PKP4: variants seen among roughly 807,000 people sequenced by gnomAD.
PKP4 encodes plakophilin 4.
A neutral mutation model predicts 145.1 loss-of-function variants in PKP4; 90 were observed. The observed-to-expected ratio is 0.62, with a 90% confidence interval of 0.52 to 0.74. The LOEUF is 0.74. Among genes scored for constraint, PKP4 ranks in the 30% least tolerant of loss-of-function variants. The pLI, the probability that PKP4 is intolerant of heterozygous loss-of-function variation, is 0.00. For synonymous variants in PKP4, 563 were observed against 577.2 expected (o/e 0.98, Z 0.35); for missense variants, 1,340 against 1,482.7 (o/e 0.90, Z 1.58).
At chr2:158,494,136 A>G (rs924572908) in intron 1 of PKP4, among the ~76,000 whole-genome samples, 6 of 152,216 alleles carry the variant, frequency 3.9e-5, no homozygotes, top group Non-Finnish European at 5.9e-5. Context: ...TGTACTTAGC[A>G]TACTGCTTAT....
chr2:158,596,496 C>G, intron 3 of PKP4, among the ~76,000 whole-genome samples: 1 of 152,062 alleles, frequency 6.6e-6, no homozygotes, highest in Middle Eastern at 3.4e-3. Flanking sequence ...TAATATACAC[C>G]TGATTCATGT....
intron 3 of PKP4, among the ~76,000 whole-genome samples, chr2:158,593,221 A>G (rs764675032): frequency 1.2e-4 from 19 of 152,164 alleles, no homozygotes; most frequent in Non-Finnish European, 1.8e-4. Flanking sequence ...TTCAAGGCCA[A>G]ATCTTTGCCC....
In PKP4 at chr2:158,678,702, C is replaced by T. The variant is rs770071141; in HGVS notation, c.3330+48C>T. 9.4e-6 allele frequency: 11 copies of T among 1,165,674 alleles called. No homozygotes were observed. In the East Asian group the frequency reaches 2.1e-4, roughly 22 times the overall value. The allele number at this position is 1,165,674 out of a possible 1,614,324, so 72.2% of individuals were successfully genotyped here. On this transcript the variant is annotated intron_variant, in intron 21 of 21. Transcript: ENST00000389759. ...ACAGAAGGCTGATTAGCAGTTAACA[C>T]AGTAAGGGGTCCACGTCGATTGACT...
chr2:158,492,701 A>C (rs1326697099), intron 1 of PKP4, among the ~76,000 whole-genome samples: 1 of 151,908 alleles, frequency 6.6e-6, no homozygotes, highest in Admixed American at 6.6e-5. Context: ...TGTCTTTCTG[A>C]CTCTTACTAC....
intron 1 of PKP4, among the ~76,000 whole-genome samples, chr2:158,491,946 G>C (rs529395900): frequency 6.6e-6 from 1 of 151,994 alleles, no homozygotes; most frequent in African/African-American, 2.4e-5. Flanking sequence ...AGTAGATGGA[G>C]CACAGGTGCG....
At chr2:158,477,008 C>G (rs1379111475) in intron 1 of PKP4, among the ~76,000 whole-genome samples, 1 of 152,038 alleles carries the variant, frequency 6.6e-6, no homozygotes, top group Non-Finnish European at 1.5e-5. Flanking sequence ...TCTGTGAACA[C>G]CTGTATAATA....
intron 3 of PKP4, among the ~76,000 whole-genome samples, chr2:158,578,760 A>G (rs1305849489): frequency 6.6e-6 from 1 of 152,232 alleles, no homozygotes; most frequent in Non-Finnish European, 1.5e-5. Flanking sequence ...TTAAAATAGA[A>G]ATTCTCTTGA....
At chr2:158,664,455 C>A (rs954567147) in intron 15 of PKP4, among the ~76,000 whole-genome samples, 1 of 152,202 alleles carries the variant, frequency 6.6e-6, no homozygotes, top group South Asian at 2.1e-4. Context: ...ACATTTTCAA[C>A]CTCTAGTAAT....
At chr2:158,490,440 A>G (rs1224835094) in intron 1 of PKP4, among the ~76,000 whole-genome samples, 2 of 152,222 alleles carry the variant, frequency 1.3e-5, no homozygotes, top group African/African-American at 2.4e-5. Flanking sequence ...ATGCATAAGT[A>G]AAGTCGATGA....
At position 158,489,279 on chromosome 2, in the gene PKP4, A is replaced by G. The variant is rs925434065; in HGVS notation, c.-6+32061A>G. Among the ~76,000 whole-genome samples the G allele has an allele frequency of 1.5e-4, 23 of 152,140 alleles. 1 individual carries two copies. The highest frequency in any genetic ancestry group is 1.4e-3 in the Admixed American group (22 of 15,274). The stretch of plus-strand genomic sequence containing the variant: ...TTCTCTTTTTTGAACTGCTATTTAT[A>G]GTAACTTTCTAGGGTTTTGCTTTTT... On this transcript the variant is annotated intron_variant, in intron 1 of 21. Transcript: ENST00000389759.
chr2:158,470,470 G>A lies in PKP4; in HGVS notation c.-6+13252G>A, dbSNP rs528667948. Among the ~76,000 whole-genome samples the A allele has an allele frequency of 1.3e-4, 20 of 152,230 alleles. No individual in the cohort carries two copies. The South Asian group carries it at 4.1e-3, about 32-fold the overall frequency. ...CCTAGTTCAAATAGATACTGTAATA[G>A]TATCTAACTTTTTTGTGGTAGAAAG... On this transcript the variant is annotated intron_variant, in intron 1 of 21. Transcript: ENST00000389759.
intron 15 of PKP4, among the ~76,000 whole-genome samples, chr2:158,664,780 C>T (rs2056927514): frequency 1.3e-5 from 2 of 152,164 alleles, no homozygotes; most frequent in South Asian, 4.1e-4. Context: ...GGGGCTCTGC[C>T]CACAGTTTCC....
At chr2:158,461,668 G>C (rs936786853) in intron 1 of PKP4, among the ~76,000 whole-genome samples, 10 of 152,246 alleles carry the variant, frequency 6.6e-5, no homozygotes, top group Non-Finnish European at 1.3e-4. Context: ...GGGTAGGGAG[G>C]GAGGGGGCCA....
At chr2:158,574,493 C>T (rs1336899372) in intron 2 of PKP4, among the ~76,000 whole-genome samples, 2 of 152,052 alleles carry the variant, frequency 1.3e-5, no homozygotes, top group Non-Finnish European at 2.9e-5. Flanking sequence ...TAATACTGTC[C>T]TCATCAGTCA....
chr2:158,534,729 A>G (rs750514588), intron 2 of PKP4, among the ~76,000 whole-genome samples: 2 of 152,218 alleles, frequency 1.3e-5, no homozygotes, highest in Non-Finnish European at 2.9e-5. Context: ...CCTTGAGACC[A>G]TATACCCTAC....
chr2:158,635,347 T>C (rs2105920552), intron 9 of PKP4, among the ~76,000 whole-genome samples: 1 of 152,196 alleles, frequency 6.6e-6, no homozygotes, highest in East Asian at 1.9e-4. Context: ...ACTCCTGGTT[T>C]GCCACCTTTT....
intron 2 of PKP4, among the ~76,000 whole-genome samples, chr2:158,564,844 C>T (rs879398704): frequency 2.2e-4 from 34 of 152,166 alleles, no homozygotes; most frequent in Non-Finnish European, 4.3e-4. Context: ...GAAATTTCCC[C>T]TTTGTCATTA....
intron 2 of PKP4, among the ~76,000 whole-genome samples, chr2:158,564,364 A>G (rs547679283): frequency 9.2e-5 from 14 of 152,304 alleles, no homozygotes; most frequent in Admixed American, 7.8e-4. Flanking sequence ...ATTCTTTTGA[A>G]TAAGGATATA....
In PKP4 at chr2:158,678,484, C is replaced by T. The variant is rs751796040; in HGVS notation, c.3257-97C>T. The T allele has an allele frequency of 6.1e-5, 51 of 842,552 alleles. 1 individual carries two copies. The highest frequency in any genetic ancestry group is 6.0e-4 in the Admixed American group (34 of 56,660). 52.2% of individuals were successfully genotyped at this position (842,552 alleles called of 1,614,324 possible). A position where few individuals can be genotyped will look rare whatever the true frequency, so the allele number is the denominator to read the frequency against. On this transcript the variant is annotated intron_variant, in intron 20 of 21. Transcript: ENST00000389759. ...TGGCACTGGGGAAGACAGGCCCTGT[C>T]GGGGACAGTGCTAGCCCTAGTGCAG...
Sources: allele counts gnomAD v4.1 joint callset (sites outside exome capture counted in the v4.1 genomes callset), GRCh38; gene constraint gnomAD v4.1.1; transcripts MANE v1.5; gene names NCBI Gene and HGNC (gene_info 2026-07-23, HGNC 2026-07-21).